SOCS6: variants seen among roughly 807,000 people sequenced by gnomAD.
SOCS6 encodes STAT induced STAT inhibitor-4.
Under a neutral mutation model 27.7 loss-of-function variants are expected in SOCS6, and 5 were observed. The ratio of observed to expected loss-of-function variants is 0.18; its 90% CI spans 0.09 to 0.38. The LOEUF (loss-of-function observed/expected upper bound fraction) is 0.38. Among genes scored for constraint, SOCS6 ranks in the 10% least tolerant of loss-of-function variants. The pLI is 1.00. For synonymous variants in SOCS6, 271 were observed against 260.0 expected (o/e 1.04, Z -0.41); for missense variants, 595 against 688.1 (o/e 0.86, Z 1.51).
chr18:70,325,158 C>A lies in SOCS6; in HGVS notation c.490C>A (p.Pro164Thr). ...RVKALVHSSS[P>T]SPALNGVRKD... Reference sequence around the variant, plus strand: ...CAAGGCCTTGGTTCACTCTTCCAGCCCGAGTCCAGCCCTGAATGGCGTCCG... The same window carrying A: ...CAAGGCCTTGGTTCACTCTTCCAGCACGAGTCCAGCCCTGAATGGCGTCCG... Residue 164 changes from proline (P) to threonine (T), a missense_variant, in exon 2 of 2, where the codon CCG (proline) becomes ACG (threonine). Pro to Thr is a conservative substitution (Grantham distance 38). This residue lies in a region of SOCS6 where 467 missense variants were observed against 481.1 expected (regional missense o/e 0.97). Coordinates refer to ENST00000397942, the MANE Select transcript of SOCS6 (RefSeq NM_004232.4). The surrounding 1 kb of genome is among the most constrained non-coding windows in gnomAD (Gnocchi z 6.3). 6.2e-7 allele frequency: 1 copy of A among 1,614,180 alleles called. No individual in the cohort carries two copies. The highest frequency in any genetic ancestry group is 1.7e-5 in the Admixed American group (1 of 60,020).
chr18:70,317,440 G>GTGTA (rs1203972586), intron 1 of SOCS6, among the ~76,000 whole-genome samples: 2 of 148,388 alleles, frequency 1.3e-5, no homozygotes, highest in Non-Finnish European at 3.0e-5. Context: ...GTGTGTGTGT[G>GTGTA]TATACACATA....
chr18:70,313,498 A>AT (rs2062398763), intron 1 of SOCS6, among the ~76,000 whole-genome samples: 1 of 151,974 alleles, frequency 6.6e-6, no homozygotes, highest in South Asian at 2.1e-4. Flanking sequence ...CAACTTTTAT[A>AT]TTTTTTAAAA....
intron 1 of SOCS6, among the ~76,000 whole-genome samples, chr18:70,298,693 C>T (rs998958448): frequency 1.3e-5 from 2 of 152,096 alleles, no homozygotes; most frequent in Non-Finnish European, 2.9e-5. Flanking sequence ...AGTTAAGATA[C>T]CTATATTAAT....
chr18:70,324,575 A>G lies in SOCS6; in HGVS notation c.-94A>G. 2 of 823,876 alleles carry G rather than the reference A, an allele frequency of 2.4e-6. No individual in the cohort carries two copies. Among genetic ancestry groups the G allele is most frequent in the Non-Finnish European group, 3.8e-6 (2 of 526,042 alleles). The allele number at this position is 823,876 out of a possible 1,614,324, so 51.0% of individuals were successfully genotyped here. A position where few individuals can be genotyped will look rare whatever the true frequency, so the allele number is the denominator to read the frequency against. ...CTCCAAAGGTTAAATGAAGCAGGAA[A>G]AATACATAGATGCAGCCTTGCAGCC... On this transcript the variant is annotated 5_prime_UTR_variant, in exon 2 of 2. Coordinates refer to ENST00000397942, the MANE Select transcript of SOCS6 (RefSeq NM_004232.4).
intron 1 of SOCS6, among the ~76,000 whole-genome samples, chr18:70,298,211 A>G (rs1469405864): frequency 2.6e-5 from 4 of 152,216 alleles, no homozygotes; most frequent in Non-Finnish European, 5.9e-5. Context: ...ACAGTACAGA[A>G]TAAAAACAAA....
chr18:70,296,657 CA>C (rs1228245431), intron 1 of SOCS6: 1 of 152,226 alleles, frequency 6.6e-6, no homozygotes, highest in Non-Finnish European at 1.5e-5. Context: ...ACTGTTAAGT[CA>C]CATGCCGCCA....
Position 70,303,174 on chromosome 18 carries a change from A to G in SOCS6, c.-127+14084A>G, listed in dbSNP as rs1046424105. 4.6e-5 allele frequency among the ~76,000 whole-genome samples: 7 copies of G among 152,158 alleles called. No homozygotes were observed. In the South Asian group the frequency reaches 1.5e-3, roughly 32 times the overall value. On this transcript the variant is annotated intron_variant, in intron 1 of 1. Coordinates refer to ENST00000397942, the MANE Select transcript of SOCS6 (RefSeq NM_004232.4). Reference sequence around the variant, plus strand: ...CTTTCTATGTAATTGAACCACATACATATAATTTTGTTTCCTGTGTTTTTG... The same window carrying G: ...CTTTCTATGTAATTGAACCACATACGTATAATTTTGTTTCCTGTGTTTTTG...
intron 1 of SOCS6, among the ~76,000 whole-genome samples, chr18:70,294,433 C>T (rs2062314557): frequency 6.6e-6 from 1 of 151,514 alleles, no homozygotes; most frequent in Admixed American, 6.6e-5. Context: ...GTTTTGTTTT[C>T]TAACTGTTCT....
At chr18:70,303,358 T>G (rs572978841) in intron 1 of SOCS6, among the ~76,000 whole-genome samples, 7 of 152,366 alleles carry the variant, frequency 4.6e-5, no homozygotes, top group Non-Finnish European at 8.8e-5. Context: ...TTTTTTAATT[T>G]AAATTTACTT....
At position 70,316,313 on chromosome 18, in the gene SOCS6, C is replaced by G. The variant is rs73470676; in HGVS notation, c.-126-8230C>G. 7.8e-3 allele frequency among the ~76,000 whole-genome samples: 1,185 copies of G among 152,160 alleles called. 14 individuals carry two copies. Among genetic ancestry groups the G allele is most frequent in the African/African-American group, 0.027 (1,102 of 41,526 alleles). ...TGGTTAATTAAGGAGTTCTCTCTGA[C>G]TTTTAAAATTTATGAAGGTTTTCAT... On this transcript the variant is annotated intron_variant, in intron 1 of 1. Coordinates refer to ENST00000397942, the MANE Select transcript of SOCS6 (RefSeq NM_004232.4).
chr18:70,321,312 G>GTTTTTTTTTT (rs763120236), intron 1 of SOCS6, among the ~76,000 whole-genome samples: 1 of 68,676 alleles, frequency 1.5e-5, no homozygotes, highest in Non-Finnish European at 2.6e-5. Flanking sequence ...AATTTTCTCA[G>GTTTTTTTTTT]TTTTTTTTTT....
chr18:70,290,143 G>A (rs1035256166), intron 1 of SOCS6, among the ~76,000 whole-genome samples: 2 of 152,164 alleles, frequency 1.3e-5, no homozygotes, highest in Non-Finnish European at 2.9e-5. Flanking sequence ...CTGTGCATGA[G>A]GACAGAGAAC....
chr18:70,290,947 A>C (rs900677726), intron 1 of SOCS6, among the ~76,000 whole-genome samples: 1 of 152,106 alleles, frequency 6.6e-6, no homozygotes, highest in African/African-American at 2.4e-5. Flanking sequence ...CCCCGCAGGG[A>C]GTGGCAGGGA....
rs112859754 is a variant in SOCS6 at position 70,323,202 on chromosome 18, C to T, written c.-126-1341C>T. Among the ~76,000 whole-genome samples the T allele has an allele frequency of 1.1e-4, 17 of 152,272 alleles. 1 individual carries two copies. The highest frequency in any genetic ancestry group is 3.4e-4 in the African/African-American group (14 of 41,564). On this transcript the variant is annotated intron_variant, in intron 1 of 1. Transcript: ENST00000397942. ...CTTGTTCTGGGCTTTATTAGCATTT[C>T]GCTCAAGTCAAGCGAATCACCTTGT...
intron 1 of SOCS6, among the ~76,000 whole-genome samples, chr18:70,292,364 G>A (rs191310726): frequency 6.6e-6 from 1 of 152,262 alleles, no homozygotes; most frequent in East Asian, 1.9e-4. Flanking sequence ...TTTGAAATGG[G>A]GATCTCGCTC....
chr18:70,318,076 G>A (rs533231665), intron 1 of SOCS6, among the ~76,000 whole-genome samples: 1 of 152,048 alleles, frequency 6.6e-6, no homozygotes, highest in African/African-American at 2.4e-5. Context: ...ACTGGCCCTC[G>A]AACGCCTGAC....
At chr18:70,307,223 C>G (rs2062373180) in intron 1 of SOCS6, among the ~76,000 whole-genome samples, 1 of 151,050 alleles carries the variant, frequency 6.6e-6, no homozygotes, top group East Asian at 1.9e-4. Flanking sequence ...GATTGCATCA[C>G]TGCACTCCAG....
intron 1 of SOCS6, among the ~76,000 whole-genome samples, chr18:70,320,690 G>C (rs1910954804): frequency 6.6e-6 from 1 of 152,094 alleles, no homozygotes; most frequent in African/African-American, 2.4e-5. Flanking sequence ...CTTTATCATA[G>C]GTATGTGTGT....
intron 1 of SOCS6, among the ~76,000 whole-genome samples, chr18:70,306,660 A>G (rs1180452306): frequency 6.6e-6 from 1 of 152,038 alleles, no homozygotes; most frequent in Non-Finnish European, 1.5e-5. Flanking sequence ...TCTTGCCCCC[A>G]GTCTTAGTGG....
Sources: gnomAD v4.1 joint callset for allele counts (sites outside exome capture counted in the v4.1 genomes callset) on GRCh38, gnomAD v4.1.1 for gene constraint, gnomAD v4.1.1 regional missense constraint, Gnocchi (gnomAD v3.1) non-coding constraint, MANE v1.5 for transcripts, NCBI Gene and HGNC (gene_info 2026-07-23, HGNC 2026-07-21) for gene names.